SGIP1: variants seen among roughly 807,000 people sequenced by gnomAD.
SGIP1 encodes the protein SH3GL interacting endocytic adaptor 1.
SGIP1 carries 38 observed loss-of-function variants against 107.5 expected under a neutral mutation model. The observed-to-expected ratio is 0.35, with a 90% CI of 0.27 to 0.46. The LOEUF (loss-of-function observed/expected upper bound fraction) is 0.46. Ranked by LOEUF, SGIP1 falls within the 20% of genes least tolerant of loss-of-function variation. The pLI, the probability that SGIP1 is intolerant of heterozygous loss-of-function variation, is 1.00. For synonymous variants in SGIP1, 365 were observed against 366.1 expected, an observed-to-expected ratio of 1.00 and a Z score of 0.03; for missense variants, 929 against 1,019.5, an observed-to-expected ratio of 0.91 and a Z score of 1.21.
At chr1:66,643,854 T>C (rs2077190383) in intron 7 of SGIP1, 135 bp downstream of exon 7, 1 of 714,020 alleles carries the variant, frequency 1.4e-6, no homozygotes, top group South Asian at 4.3e-5. Flanking sequence ...ATTCTATAAA[T>C]CTAAGAAGCT....
chr1:66,735,114 C>T (rs2094174295), intron 21 of SGIP1, among the ~76,000 whole-genome samples: 1 of 152,094 alleles, frequency 6.6e-6, no homozygotes, highest in African/African-American at 2.4e-5. Context: ...AAACCCCCAC[C>T]CCACCCCACC....
At chr1:66,631,694 TC>T (rs2074766351) in intron 2 of SGIP1, among the ~76,000 whole-genome samples, 4 of 21,766 alleles carry the variant, frequency 1.8e-4, no homozygotes, top group South Asian at 8.9e-3. Flanking sequence ...TCTCTCTCTC[TC>T]TCTCTCTCTC....
chr1:66,551,584 A>C (rs1279453172), intron 1 of SGIP1, among the ~76,000 whole-genome samples: 3 of 152,192 alleles, frequency 2.0e-5, no homozygotes, highest in African/African-American at 7.2e-5. Context: ...CTCAACTCTC[A>C]ATAACTATAA....
At chr1:66,600,110 T>C (rs963466092) in intron 1 of SGIP1, among the ~76,000 whole-genome samples, 1 of 152,222 alleles carries the variant, frequency 6.6e-6, no homozygotes, top group African/African-American at 2.4e-5. Flanking sequence ...TTTGCCTTTG[T>C]TCAGTGGCAT....
chr1:66,569,895 C>A (rs1571486404), intron 1 of SGIP1, among the ~76,000 whole-genome samples: 2 of 151,892 alleles, frequency 1.3e-5, no homozygotes, highest in Middle Eastern at 6.8e-3. Context: ...GATTCAATTT[C>A]TATAATAGAT....
chr1:66,692,815 AT>A lies in SGIP1; in HGVS notation c.1570+2500del, dbSNP rs565032265. On this transcript the variant is annotated intron_variant, in intron 17 of 24. Transcript: ENST00000371037. ...CTAAACCTTCTACACAGCAATTCAT[AT>A]AAGAAGATGCCCCTAAATGACTTTG... Among the ~76,000 whole-genome samples the A allele has an allele frequency of 2.2e-3, 340 of 152,324 alleles. 1 individual carries two copies. The highest frequency in any genetic ancestry group is 0.014 in the Middle Eastern group (4 of 294).
chr1:66,691,124 A>G (rs893555471), intron 17 of SGIP1, among the ~76,000 whole-genome samples: 1 of 151,920 alleles, frequency 6.6e-6, no homozygotes, highest in East Asian at 1.9e-4. Context: ...CATTTTTCCC[A>G]TGGGATCCCC....
chr1:66,634,861 A>ATT (rs929341839), intron 3 of SGIP1, among the ~76,000 whole-genome samples: 2 of 152,170 alleles, frequency 1.3e-5, no homozygotes, highest in Non-Finnish European at 2.9e-5. Flanking sequence ...TGGTCACTGA[A>ATT]TTTTGGAAAC....
chr1:66,667,267 CT>C (rs1472744149), intron 8 of SGIP1, among the ~76,000 whole-genome samples: 1 of 152,026 alleles, frequency 6.6e-6, no homozygotes, highest in African/African-American at 2.4e-5. Flanking sequence ...CTGCCTTGTT[CT>C]TATGTACACA....
intron 1 of SGIP1, among the ~76,000 whole-genome samples, chr1:66,593,654 T>G (rs569162951): frequency 1.3e-5 from 2 of 152,238 alleles, no homozygotes; most frequent in Admixed American, 6.5e-5. Context: ...TGCCTGTAAT[T>G]CCAGCTACTC....
chr1:66,567,442 A>G (rs988466475), intron 1 of SGIP1, among the ~76,000 whole-genome samples: 1 of 152,240 alleles, frequency 6.6e-6, no homozygotes, highest in African/African-American at 2.4e-5. Context: ...ATGCTCTCCC[A>G]TTCTGTATGT....
intron 7 of SGIP1, among the ~76,000 whole-genome samples, chr1:66,655,498 G>A (rs1348736630): frequency 2.0e-5 from 3 of 152,106 alleles, no homozygotes; most frequent in Non-Finnish European, 2.9e-5. Flanking sequence ...TTACACAGCC[G>A]TGTGTTGCTT....
At chr1:66,735,103 C>A (rs1425020828) in intron 21 of SGIP1, among the ~76,000 whole-genome samples, 2 of 151,964 alleles carry the variant, frequency 1.3e-5, no homozygotes, top group African/African-American at 4.8e-5. Flanking sequence ...TCTCTCTAAA[C>A]AAACCCCCAC....
chr1:66,629,215 C>A (rs1317244358), intron 2 of SGIP1, among the ~76,000 whole-genome samples: 2 of 152,188 alleles, frequency 1.3e-5, no homozygotes, highest in African/African-American at 4.8e-5. Flanking sequence ...GCACCAACTT[C>A]AGCTGATTGA....
At chr1:66,634,779 G>A (rs534320741) in intron 3 of SGIP1, among the ~76,000 whole-genome samples, 1 of 152,312 alleles carries the variant, frequency 6.6e-6, no homozygotes, top group South Asian at 2.1e-4. Flanking sequence ...GGCTTTATAG[G>A]TAATTGGACA....
intron 18 of SGIP1, among the ~76,000 whole-genome samples, chr1:66,697,457 T>C (rs1447008953): frequency 6.6e-6 from 1 of 152,220 alleles, no homozygotes; most frequent in East Asian, 1.9e-4. Flanking sequence ...TGTATTATCT[T>C]AATCTTGGAC....
At chr1:66,582,529 T>A (rs990480005) in intron 1 of SGIP1, among the ~76,000 whole-genome samples, 2 of 145,118 alleles carry the variant, frequency 1.4e-5, no homozygotes, top group Admixed American at 6.9e-5. Context: ...CTGAAGATGA[T>A]TTTTTTTTTT....
chr1:66,580,659 G>A (rs35939197), intron 1 of SGIP1, among the ~76,000 whole-genome samples: 20,009 of 151,984 alleles, frequency 0.13, 1,979 homozygotes, highest in East Asian at 0.46. Flanking sequence ...GCAATTTATT[G>A]TAGATATTTC....
In SGIP1 at chr1:66,647,598, T is replaced by C. The variant is rs564856592; in HGVS notation, c.459+3879T>C. On this transcript the variant is annotated intron_variant, in intron 7 of 24. Transcript: ENST00000371037. Reference sequence around the variant, plus strand: ...ATCTCAGATTATTTCAGAGAGTTCATTAGGAAACGGGATTTCTTCCCATAT... The same window carrying C: ...ATCTCAGATTATTTCAGAGAGTTCACTAGGAAACGGGATTTCTTCCCATAT... Among the ~76,000 whole-genome samples, 28 of 152,324 alleles carry C rather than the reference T, an allele frequency of 1.8e-4. No homozygotes were observed. In the South Asian group the frequency reaches 3.1e-3, roughly 17 times the overall value.
Sources: allele counts gnomAD v4.1 joint callset (sites outside exome capture counted in the v4.1 genomes callset), GRCh38; gene constraint gnomAD v4.1.1; transcripts MANE v1.5; gene names NCBI Gene and HGNC (gene_info 2026-07-23, HGNC 2026-07-21).